Variants in SCAND3 observed in about 807,000 individuals in gnomAD.
The protein encoded by SCAND3 is SCAN domain-containing protein 3.
At chr6:28,589,386 T>C in the SCAND3 span, 1 of 152,138 alleles carries the variant, frequency 6.6e-6, no homozygotes, top group Non-Finnish European at 1.5e-5. Flanking sequence ...GTTGGTCCCA[T>C]GGTGTAATGG....
chr6:28,602,708 T>A, the SCAND3 span, among the ~76,000 whole-genome samples: 4 of 152,152 alleles, frequency 2.6e-5, no homozygotes, highest in Admixed American at 6.5e-5. Flanking sequence ...GCTTTATGAT[T>A]TTTGCTACTT....
the SCAND3 span, among the ~76,000 whole-genome samples, chr6:28,612,273 C>A: frequency 6.6e-6 from 1 of 151,940 alleles, no homozygotes; most frequent in African/African-American, 2.4e-5. Flanking sequence ...TTCCTGAGCT[C>A]GTGATCTGCC....
At chr6:28,589,602 A>G in the SCAND3 span, 2 of 152,222 alleles carry the variant, frequency 1.3e-5, no homozygotes, top group African/African-American at 4.8e-5. Context: ...TGAAAGTACC[A>G]AGCTCTTTCG....
the SCAND3 span, among the ~76,000 whole-genome samples, chr6:28,600,286 C>T: frequency 6.6e-3 from 1,002 of 152,230 alleles, 11 homozygotes; most frequent in African/African-American, 0.022. Context: ...AAGAAGGTGG[C>T]GGCTAAGCTT....
At chr6:28,582,395 G>C in the SCAND3 span, among the ~76,000 whole-genome samples, 1 of 151,938 alleles carries the variant, frequency 6.6e-6, no homozygotes, top group Non-Finnish European at 1.5e-5. The surrounding 1 kb of genome is among the most constrained non-coding windows in gnomAD (Gnocchi z 4.8). Flanking sequence ...TATCTTAAGG[G>C]GGAAAAAAAC....
chr6:28,614,770 A>G, the SCAND3 span, among the ~76,000 whole-genome samples: 1 of 151,004 alleles, frequency 6.6e-6, no homozygotes, highest in Non-Finnish European at 1.5e-5. Context: ...GGTCCTGCAA[A>G]GCAGTCTTGA....
chr6:28,602,291 C>G, the SCAND3 span, among the ~76,000 whole-genome samples: 1 of 152,102 alleles, frequency 6.6e-6, no homozygotes, highest in South Asian at 2.1e-4. Context: ...CTCACTGAAA[C>G]CTTGGCCTCC....
the SCAND3 span, chr6:28,575,186 T>A: frequency 6.2e-7 from 1 of 1,614,086 alleles, no homozygotes; most frequent in Non-Finnish European, 8.5e-7. This position sits in a 1 kb window ranked among gnomAD's most constrained non-coding sequence, Gnocchi z 4.2. Flanking sequence ...TAGGGCTGAT[T>A]TTGGGACATC....
the SCAND3 span, among the ~76,000 whole-genome samples, chr6:28,588,910 G>T: frequency 6.6e-6 from 1 of 152,168 alleles, no homozygotes. The surrounding 1 kb of genome is among the most constrained non-coding windows in gnomAD (Gnocchi z 4.1). Context: ...CTTGCGCTGT[G>T]CTTTCCAAGG....
the SCAND3 span, among the ~76,000 whole-genome samples, chr6:28,576,914 A>AC: frequency 7.7e-5 from 1 of 12,934 alleles, no homozygotes; most frequent in Non-Finnish European, 1.4e-4. Context: ...CCGGTCTCAG[A>AC]CTTTTTTTTT....
the SCAND3 span, among the ~76,000 whole-genome samples, chr6:28,603,198 T>G: frequency 6.1e-3 from 925 of 152,228 alleles, 14 homozygotes; most frequent in African/African-American, 0.02. Flanking sequence ...GACCTCGTGA[T>G]CTGCCCGCCT....
the SCAND3 span, among the ~76,000 whole-genome samples, chr6:28,607,274 C>T: frequency 2.0e-5 from 3 of 152,150 alleles, no homozygotes; most frequent in African/African-American, 7.2e-5. Context: ...ACCGCCTTTC[C>T]ACTTTCCTTT....
chr6:28,607,258 C>T, the SCAND3 span, among the ~76,000 whole-genome samples: 1 of 152,180 alleles, frequency 6.6e-6, no homozygotes, highest in Non-Finnish European at 1.5e-5. Context: ...TTTCTCCTCT[C>T]AATGGACCGC....
the SCAND3 span, among the ~76,000 whole-genome samples, chr6:28,604,810 T>G: frequency 6.6e-6 from 1 of 152,192 alleles, no homozygotes; most frequent in Admixed American, 6.5e-5. Context: ...AGTATGACTT[T>G]TTGTATCTGT....
the SCAND3 span, among the ~76,000 whole-genome samples, chr6:28,607,730 G>C: frequency 2.0e-5 from 3 of 152,100 alleles, no homozygotes; most frequent in African/African-American, 7.2e-5. Flanking sequence ...ATAAAATGCT[G>C]TCTGTCATAG....
At chr6:28,579,422 G>C in the SCAND3 span, 1 of 1,609,166 alleles carries the variant, frequency 6.2e-7, no homozygotes, top group Non-Finnish European at 8.5e-7. This position sits in a 1 kb window ranked among gnomAD's most constrained non-coding sequence, Gnocchi z 4.5. Flanking sequence ...TGTGAGACCT[G>C]TGGACAAGTA....
the SCAND3 span, among the ~76,000 whole-genome samples, chr6:28,610,252 T>A: frequency 6.6e-6 from 1 of 152,156 alleles, no homozygotes; most frequent in Non-Finnish European, 1.5e-5. Context: ...CCAAGCATGG[T>A]GGCTCACGCC....
At chr6:28,588,839 A>C in the SCAND3 span, among the ~76,000 whole-genome samples, 1 of 152,370 alleles carries the variant, frequency 6.6e-6, no homozygotes, top group African/African-American at 2.4e-5. The surrounding 1 kb of genome is among the most constrained non-coding windows in gnomAD (Gnocchi z 4.1). Context: ...TATTGCTAAA[A>C]GATCTGCACC....
At chr6:28,573,757 TTAC>T in the SCAND3 span, 4 of 1,595,920 alleles carry the variant, frequency 2.5e-6, no homozygotes, top group Non-Finnish European at 1.7e-6. Flanking sequence ...ATTTCTTTTA[TTAC>T]TACTACTGTG....
Sources: gnomAD v4.1 joint callset for allele counts (sites outside exome capture counted in the v4.1 genomes callset) on GRCh38, gnomAD v4.1.1 for gene constraint, Gnocchi (gnomAD v3.1) non-coding constraint, MANE v1.5 for transcripts, NCBI Gene and HGNC (gene_info 2026-07-23, HGNC 2026-07-21) for gene names.